Variants in TRIP12 observed in about 807,000 individuals in gnomAD.
TRIP12 encodes the protein E3 ubiquitin-protein ligase TRIP12.
TRIP12 carries 25 observed loss-of-function variants against 244.2 expected under a neutral mutation model. The observed-to-expected ratio is 0.10, with a 90% confidence interval of 0.07 to 0.14. TRIP12 has a LOEUF of 0.14. TRIP12 is among the 10% of genes least tolerant of loss of function. The probability of loss-of-function intolerance (pLI) is 1.00; values close to 1 mark genes in which losing one functional copy is unlikely to be tolerated. For missense variants in TRIP12, 1,677 were observed against 2,486.4 expected, an observed-to-expected ratio of 0.67 and a Z score of 6.92; for synonymous variants, 905 against 873.1, an observed-to-expected ratio of 1.04 and a Z score of -0.64.
chr2:229,893,243 G>A (rs1435863960), intron 1 of TRIP12, among the ~76,000 whole-genome samples: 2 of 152,280 alleles, frequency 1.3e-5, no homozygotes, highest in Non-Finnish European at 1.5e-5. Context: ...TTCAAAGTAA[G>A]TTGCAGGCAC....
chr2:229,811,393 G>T (rs969095292), intron 13 of TRIP12, among the ~76,000 whole-genome samples, 189 bp from the exon 14 acceptor site: 3 of 151,348 alleles, frequency 2.0e-5, no homozygotes, highest in Non-Finnish European at 2.9e-5. Flanking sequence ...AAACAAACAG[G>T]AAACAAACCA....
intron 8 of TRIP12, among the ~76,000 whole-genome samples, chr2:229,828,298 A>G (rs1041003379): frequency 6.6e-6 from 1 of 150,912 alleles, no homozygotes; most frequent in African/African-American, 2.4e-5. Context: ...GGTTTCAGAT[A>G]CTTTAAAATC....
chr2:229,909,596 A>G (rs375595848), intron 1 of TRIP12, among the ~76,000 whole-genome samples: 11 of 150,986 alleles, frequency 7.3e-5, no homozygotes, highest in African/African-American at 2.2e-4. Context: ...GCTCATGCCT[A>G]TAATTCCAGC....
In TRIP12 at chr2:229,859,062, G is replaced by C. The variant is rs773762691; in HGVS notation, c.737C>G (p.Ser246Cys). ...GGCCGAGGCTACAGCAGAAGACGAG[G>C]AGGAAGTAGAGGCAGCAGAAGAAGA... Reference protein sequence around the residue: ...TDSSSAASTSSSSSAVASASS... With the variant: ...TDSSSAASTSCSSSAVASASS... The change falls in exon 4 of 42, where the codon TCC becomes TGC. Residue 246 changes from serine (S) to cysteine (C), a missense_variant. Around this residue, in one of 11 missense-constraint regions of TRIP12, gnomAD observed 387 missense variants for 392.6 expected, o/e 0.99. Coordinates refer to ENST00000675903, the MANE Select transcript of TRIP12 (RefSeq NM_001348323.3). 5.6e-6 allele frequency: 9 copies of C among 1,614,094 alleles called. No homozygotes were observed. In the Admixed American group the frequency reaches 1.0e-4, roughly 18 times the overall value.
chr2:229,811,906 C>A (rs2047335035), intron 13 of TRIP12, among the ~76,000 whole-genome samples: 1 of 152,052 alleles, frequency 6.6e-6, no homozygotes, highest in South Asian at 2.1e-4. Context: ...ATTATAAAAG[C>A]CTATAGCCTA....
At chr2:229,806,969 C>A (rs1031294398) in intron 17 of TRIP12, among the ~76,000 whole-genome samples, 2 of 152,174 alleles carry the variant, frequency 1.3e-5, no homozygotes, top group African/African-American at 2.4e-5. Flanking sequence ...ACAAATAACA[C>A]AGTGATCAAC....
intron 2 of TRIP12, among the ~76,000 whole-genome samples, chr2:229,876,527 A>G (rs571643685): frequency 6.6e-6 from 1 of 152,378 alleles, no homozygotes; most frequent in South Asian, 2.1e-4. Context: ...CTTAAACTAC[A>G]TGAACTACAA....
rs1398898271 is a variant in TRIP12, at chr2:229,795,908, C to G, written c.3817-578G>C. On this transcript the variant is annotated intron_variant, in intron 25 of 41. Transcript: ENST00000675903. Reference sequence around the variant, plus strand: ...TTAAAATACAAGCAATGCTCAAATGCCTCTGAGGACTGCAAGCGCATGGTG... The same window carrying G: ...TTAAAATACAAGCAATGCTCAAATGGCTCTGAGGACTGCAAGCGCATGGTG... 3.0e-4 allele frequency among the ~76,000 whole-genome samples: 46 copies of G among 152,174 alleles called. 1 individual carries two copies. Among genetic ancestry groups the G allele is most frequent in the Admixed American group, 3.0e-3 (46 of 15,272 alleles).
At chr2:229,808,836 A>G (rs930694819) in intron 15 of TRIP12, among the ~76,000 whole-genome samples, 8 of 152,222 alleles carry the variant, frequency 5.3e-5, no homozygotes, top group African/African-American at 1.9e-4. Context: ...TCACTACCTA[A>G]GCAACACTGA....
At chr2:229,810,613 G>A (rs2047028389) in intron 15 of TRIP12, among the ~76,000 whole-genome samples, 1 of 152,160 alleles carries the variant, frequency 6.6e-6, no homozygotes, top group South Asian at 2.1e-4. Flanking sequence ...ATGGTTACAT[G>A]ACTAACATGG....
At chr2:229,867,070 A>G (rs181591691) in intron 2 of TRIP12, among the ~76,000 whole-genome samples, 23 of 149,918 alleles carry the variant, frequency 1.5e-4, no homozygotes, top group African/African-American at 4.2e-4. Context: ...TAAGCAAAGT[A>G]TATATATATA....
At chr2:229,902,017 A>G (rs555232285) in intron 1 of TRIP12, among the ~76,000 whole-genome samples, 23 of 152,230 alleles carry the variant, frequency 1.5e-4, no homozygotes, top group Non-Finnish European at 2.8e-4. Context: ...GATTAGAGGC[A>G]TGAAATCAAT....
At chr2:229,916,308 A>G (rs1007353653) in intron 1 of TRIP12, among the ~76,000 whole-genome samples, 5 of 152,248 alleles carry the variant, frequency 3.3e-5, no homozygotes, top group African/African-American at 1.2e-4. Flanking sequence ...CCTTCAAATC[A>G]GATAATCACT....
chr2:229,844,654 C>A (rs1329636824), intron 4 of TRIP12, among the ~76,000 whole-genome samples: 1 of 152,164 alleles, frequency 6.6e-6, no homozygotes, highest in Non-Finnish European at 1.5e-5. Context: ...GAAGTCAAAG[C>A]AAACATCAAT....
intron 1 of TRIP12, among the ~76,000 whole-genome samples, chr2:229,915,109 T>A (rs1422402705): frequency 6.6e-6 from 1 of 151,962 alleles, no homozygotes; most frequent in Admixed American, 6.6e-5. Context: ...AAAAATTAGC[T>A]GGGTGTGGTG....
At chr2:229,887,137 G>A (rs781428409) in intron 1 of TRIP12, among the ~76,000 whole-genome samples, 6 of 152,196 alleles carry the variant, frequency 3.9e-5, no homozygotes, top group Non-Finnish European at 8.8e-5. Flanking sequence ...AAAGGATTAT[G>A]GGGGATAGAA....
rs184030332 is a variant in TRIP12 at position 229,889,091 on chromosome 2, C to T, written c.-49-8963G>A. Among the ~76,000 whole-genome samples the T allele has an allele frequency of 2.6e-5, 4 of 152,268 alleles. No homozygotes were observed. The East Asian group carries it at 7.7e-4, about 29-fold the overall frequency. ...AAGGTTGGGAATAAAGGACAGTCTA[C>T]TAACAGGATCCCGCAGGGGGAAAAA... is the stretch of plus-strand genomic sequence containing the variant. On this transcript the variant is annotated intron_variant, in intron 1 of 41. Transcript: ENST00000675903.
chr2:229,901,421 G>C (rs1460083609), intron 1 of TRIP12, among the ~76,000 whole-genome samples: 1 of 150,810 alleles, frequency 6.6e-6, no homozygotes, highest in Non-Finnish European at 1.5e-5. Context: ...AGGAGCTCAA[G>C]ACCAGCCTGG....
At chr2:229,820,674 T>C (rs2049820220) in intron 8 of TRIP12, among the ~76,000 whole-genome samples, 1 of 152,184 alleles carries the variant, frequency 6.6e-6, no homozygotes, top group Non-Finnish European at 1.5e-5. Flanking sequence ...CTGCAACCTC[T>C]GCCTTCTGGG....
Sources: gnomAD v4.1 joint callset for allele counts (sites outside exome capture counted in the v4.1 genomes callset) on GRCh38, gnomAD v4.1.1 for gene constraint, gnomAD v4.1.1 regional missense constraint, MANE v1.5 for transcripts, NCBI Gene and HGNC (gene_info 2026-07-23, HGNC 2026-07-21) for gene names.